MAPKAPK3: variants seen among roughly 807,000 people sequenced by gnomAD.
MAPKAPK3 encodes MAPK activated protein kinase 3.
A neutral mutation model predicts 49.2 loss-of-function variants in MAPKAPK3; 35 were observed. The observed-to-expected ratio is 0.71, with a 90% CI of 0.54 to 0.94. The LOEUF is 0.94. Among genes scored for constraint, MAPKAPK3 ranks in the 40% least tolerant of loss-of-function variants. MAPKAPK3 has a pLI of 0.00. For synonymous variants in MAPKAPK3, 178 were observed against 188.7 expected (o/e 0.94, Z 0.46); for missense variants, 398 against 493.1 (o/e 0.81, Z 1.83).
intron 2 of MAPKAPK3, among the ~76,000 whole-genome samples, chr3:50,633,090 G>T (rs1415414870): frequency 8.6e-5 from 1 of 11,638 alleles, no homozygotes; most frequent in Admixed American, 2.2e-3. Context: ...CTGCCATGGT[G>T]ACCAGTGGGA....
At position 50,648,848 on chromosome 3, in the gene MAPKAPK3, C is replaced by G. The variant is rs906653280; in HGVS notation, c.*802C>G. ...TGTGACAAAAGCCAGCATACTTTCC[C>G]TGCACCCATCTGCTCACCAGATCTC... is the stretch of plus-strand genomic sequence containing the variant. On this transcript the variant is annotated 3_prime_UTR_variant, in exon 11 of 11. Coordinates refer to ENST00000621469, the MANE Select transcript of MAPKAPK3 (RefSeq NM_001243925.2). 2.0e-5 allele frequency: 3 copies of G among 152,280 alleles called. No homozygotes were observed. The highest frequency in any genetic ancestry group is 7.2e-5 in the African/African-American group (3 of 41,462). The allele number at this position is 152,280 out of a possible 1,614,324, so 9.4% of individuals were successfully genotyped here.
chr3:50,640,604 A>C (rs1227224957), intron 3 of MAPKAPK3, 99 bp downstream of exon 3: 13 of 1,429,710 alleles, frequency 9.1e-6, no homozygotes, highest in Non-Finnish European at 1.2e-5. Flanking sequence ...TTCAGGTAGC[A>C]GATCTGGGTG....
At chr3:50,625,608 T>C (rs917088248) in intron 2 of MAPKAPK3, among the ~76,000 whole-genome samples, 5 of 152,184 alleles carry the variant, frequency 3.3e-5, no homozygotes, top group Non-Finnish European at 7.4e-5. Context: ...GGTTTGGGAT[T>C]AGGGTTGCCT....
At chr3:50,641,876 T>A (rs1308541691) in intron 4 of MAPKAPK3, 105 bp downstream of exon 4, 3 of 989,010 alleles carry the variant, frequency 3.0e-6, no homozygotes, top group South Asian at 2.6e-5. Flanking sequence ...AGTCTTCCCA[T>A]CTGAATAAGA....
chr3:50,626,143 C>T (rs3792325), intron 2 of MAPKAPK3, among the ~76,000 whole-genome samples: 117,286 of 151,500 alleles, frequency 0.77, 46,647 homozygotes, highest in Middle Eastern at 0.89. Flanking sequence ...TCTCCTTTTA[C>T]GGCCCAATGG....
At chr3:50,620,253 C>T (rs2032578180) in intron 2 of MAPKAPK3, among the ~76,000 whole-genome samples, 1 of 152,148 alleles carries the variant, frequency 6.6e-6, no homozygotes, top group Non-Finnish European at 1.5e-5. Flanking sequence ...AGTACATGGG[C>T]AGGCCTGGGC....
chr3:50,644,663 TGGAGGCGGGTGACGTGGGGGGCC>T (rs1339719209), intron 6 of MAPKAPK3, 131 bp downstream of exon 6: 1 of 949,306 alleles, frequency 1.1e-6, no homozygotes, highest in East Asian at 2.6e-5. Context: ...TCTGTCTGCA[TGGAGGCGGGTGACGTGGGGGGCC>T]GGAGGCTGCA....
At chr3:50,614,692 GT>G (rs2032419969), upstream of MAPKAPK3, among the ~76,000 whole-genome samples, 1 of 152,174 alleles carries the variant, frequency 6.6e-6, no homozygotes, top group Admixed American at 6.5e-5. Context: ...TCCCATCATT[GT>G]GGAGGGGATG....
intron 2 of MAPKAPK3, among the ~76,000 whole-genome samples, chr3:50,619,013 C>G (rs577780367): frequency 2.0e-5 from 3 of 152,254 alleles, no homozygotes; most frequent in African/African-American, 7.2e-5. Context: ...AATTATGAGT[C>G]CAAGTGCAGA....
chr3:50,628,277 G>A (rs2032810212), intron 2 of MAPKAPK3, among the ~76,000 whole-genome samples: 2 of 152,190 alleles, frequency 1.3e-5, no homozygotes, highest in Non-Finnish European at 2.9e-5. Context: ...GCTAGGGAGG[G>A]TGGTATGGCC....
chr3:50,620,163 G>A (rs1262753819), intron 2 of MAPKAPK3, among the ~76,000 whole-genome samples: 1 of 152,188 alleles, frequency 6.6e-6, no homozygotes. Context: ...AGTGGTAGCT[G>A]TGGCCACGAG....
At chr3:50,636,195 C>G (rs973323291) in intron 2 of MAPKAPK3, among the ~76,000 whole-genome samples, 1 of 152,224 alleles carries the variant, frequency 6.6e-6, no homozygotes, top group Admixed American at 6.5e-5. Flanking sequence ...GGTGGCCAGG[C>G]AGACTGGCCC....
intron 2 of MAPKAPK3, among the ~76,000 whole-genome samples, chr3:50,637,356 C>G (rs2033065564): frequency 2.6e-5 from 4 of 152,142 alleles, no homozygotes; most frequent in Admixed American, 2.6e-4. Flanking sequence ...AAGAAAGGTG[C>G]TGGGAGGGGC....
rs576858431 is a variant in MAPKAPK3, at chr3:50,620,665, C to T, written c.219+2881C>T. Among the ~76,000 whole-genome samples, 8 of 152,350 alleles carry T rather than the reference C, an allele frequency of 5.3e-5. No homozygotes were observed. The East Asian group carries it at 1.5e-3, about 29-fold the overall frequency. On this transcript the variant is annotated intron_variant, in intron 2 of 10. Transcript: ENST00000621469. The stretch of plus-strand genomic sequence containing the variant: ...GGGCCTCTTCCGCTTTCCCTTAGCC[C>T]CTGACCACCTGCTTGGTTCATCTTG...
At chr3:50,625,205 T>C (rs1284558487) in intron 2 of MAPKAPK3, among the ~76,000 whole-genome samples, 1 of 152,194 alleles carries the variant, frequency 6.6e-6, no homozygotes, top group Non-Finnish European at 1.5e-5. Flanking sequence ...CCTGCATTCA[T>C]GCTATGAGAC....
At chr3:50,642,107 C>A in intron 4 of MAPKAPK3, 146 bp from the exon 5 acceptor site, 2 of 660,230 alleles carry the variant, frequency 3.0e-6, no homozygotes, top group Non-Finnish European at 5.5e-6. Flanking sequence ...CGTAGACATC[C>A]CGGGATAGAG....
At chr3:50,621,534 G>C (rs888795297) in intron 2 of MAPKAPK3, among the ~76,000 whole-genome samples, 43 of 150,344 alleles carry the variant, frequency 2.9e-4, no homozygotes, top group African/African-American at 1.0e-3. Context: ...GGAGGCGGAG[G>C]TTGCAGTGAG....
chr3:50,638,614 A>G (rs1256491539), intron 2 of MAPKAPK3, among the ~76,000 whole-genome samples: 1 of 152,150 alleles, frequency 6.6e-6, no homozygotes, highest in East Asian at 1.9e-4. Flanking sequence ...CACTGCCTGT[A>G]TTCCCAGGCT....
intron 2 of MAPKAPK3, among the ~76,000 whole-genome samples, chr3:50,630,571 C>T (rs1386737727): frequency 8.5e-5 from 13 of 152,240 alleles, no homozygotes; most frequent in Admixed American, 2.6e-4. Context: ...GGCGGGGCTC[C>T]GTGAACATCT....
Sources: allele counts gnomAD v4.1 joint callset (sites outside exome capture counted in the v4.1 genomes callset), GRCh38; gene constraint gnomAD v4.1.1; transcripts MANE v1.5; gene names NCBI Gene and HGNC (gene_info 2026-07-23, HGNC 2026-07-21).